Variants in ZNF345 observed in about 807,000 individuals in gnomAD.
The protein encoded by ZNF345 is zinc finger protein 345, also known as zinc finger protein HZF10.
For missense variants in ZNF345, 527 were observed against 589.9 expected (o/e 0.89, Z 1.10); for synonymous variants, 166 against 187.9 (o/e 0.88, Z 0.95).
At chr19:36,856,898 G>C (rs556036689) in intron 2 of ZNF345, among the ~76,000 whole-genome samples, 2 of 148,668 alleles carry the variant, frequency 1.3e-5, no homozygotes, top group East Asian at 2.0e-4. Flanking sequence ...ATTACAAAAA[G>C]AATTCCTTAT....
intron 2 of ZNF345, among the ~76,000 whole-genome samples, chr19:36,856,935 T>G (rs184793761): frequency 2.0e-5 from 3 of 152,044 alleles, no homozygotes; most frequent in African/African-American, 7.2e-5. Context: ...AATAGAAGGA[T>G]AAAGAAAAAA....
chr19:36,876,773 A>G lies in ZNF345; in HGVS notation c.-46-12A>G. 1 of 1,495,904 alleles carries G rather than the reference A, an allele frequency of 6.7e-7. No individual in the cohort carries two copies. The highest frequency in any genetic ancestry group is 1.4e-5 in the South Asian group (1 of 73,360). The allele number at this position is 1,495,904 out of a possible 1,614,324, so 92.7% of individuals were successfully genotyped here. A position where few individuals can be genotyped will look rare whatever the true frequency, so the allele number is the denominator to read the frequency against. ...CAAAAAAGTGAATGTTTGCTTTTAT[A>G]TTTTCTTTCAGACTATGAATCAAAG... On this transcript the variant is annotated splice_polypyrimidine_tract_variant and intron_variant, in intron 2 of 2. Transcript: ENST00000420450.
chr19:36,884,913 G>T (rs1401827841), intron 3 of ZNF345, among the ~76,000 whole-genome samples: 1 of 152,068 alleles, frequency 6.6e-6, no homozygotes, highest in Non-Finnish European at 1.5e-5. Flanking sequence ...TCGTTGATGG[G>T]TATCTGTATT....
intron 3 of ZNF345, among the ~76,000 whole-genome samples, chr19:36,887,606 C>T (rs1018584208): frequency 6.6e-6 from 1 of 152,146 alleles, no homozygotes; most frequent in African/African-American, 2.4e-5. Flanking sequence ...CCGGATTTAT[C>T]ATGATTTGAG....
At chr19:36,863,466 G>C (rs762014374) in intron 2 of ZNF345, among the ~76,000 whole-genome samples, 2 of 152,214 alleles carry the variant, frequency 1.3e-5, no homozygotes, top group Non-Finnish European at 2.9e-5. Flanking sequence ...TGATTTAGGA[G>C]TTCAAGATTG....
chr19:36,881,308 A>C (rs1422208486), downstream of ZNF345, among the ~76,000 whole-genome samples: 1 of 152,162 alleles, frequency 6.6e-6, no homozygotes, highest in Non-Finnish European at 1.5e-5. Context: ...AATCCAAAAC[A>C]CTTCTGGTCC....
chr19:36,870,842 A>C (rs959486218), intron 2 of ZNF345, among the ~76,000 whole-genome samples: 2 of 152,168 alleles, frequency 1.3e-5, no homozygotes, highest in Non-Finnish European at 2.9e-5. Flanking sequence ...AAGTGGACCC[A>C]TTAAATATGG....
Position 36,878,915 on chromosome 19 carries a change from G to A in ZNF345, c.*618G>A. Reference sequence around the variant, plus strand: ...TGCAGTGGTGCAATCTCGGTTCACTGCAACCTCCACCTCCCGAGTTCAAGT... The same window carrying A: ...TGCAGTGGTGCAATCTCGGTTCACTACAACCTCCACCTCCCGAGTTCAAGT... On this transcript the variant is annotated 3_prime_UTR_variant, in exon 3 of 3. Transcript: ENST00000420450. The A allele has an allele frequency of 6.1e-6, 1 of 165,084 alleles. No individual in the cohort carries two copies. Among genetic ancestry groups the A allele is most frequent in the Non-Finnish European group, 1.5e-5 (1 of 68,156 alleles). 10.2% of individuals were successfully genotyped at this position (165,084 alleles called of 1,614,324 possible). A position where few individuals can be genotyped will look rare whatever the true frequency, so the allele number is the denominator to read the frequency against.
chr19:36,877,715 T>C lies in ZNF345; in HGVS notation c.885T>C (p.Phe295=). 6.2e-7 allele frequency: 1 copy of C among 1,614,132 alleles called. No homozygotes were observed. Among genetic ancestry groups the C allele is most frequent in the Non-Finnish European group, 8.5e-7 (1 of 1,180,006 alleles). Residue 295 remains phenylalanine, a synonymous_variant, in exon 3 of 3, where the codon TTT becomes TTC. Transcript: ENST00000420450. ...TATGTAAGGAATGTGGGAAGGCTTT[T>C]AATAGTGGCTCAGATCTCACTCAGC... ...PYVCKECGKA[F]NSGSDLTQHQ... is the part of the protein sequence containing the mutation.
chr19:36,866,018 AT>A (rs2072651929), intron 2 of ZNF345, among the ~76,000 whole-genome samples: 1 of 152,146 alleles, frequency 6.6e-6, no homozygotes, highest in Non-Finnish European at 1.5e-5. Context: ...AAATCAACTT[AT>A]TCATAAAGTT....
intron 2 of ZNF345, among the ~76,000 whole-genome samples, chr19:36,861,896 C>T (rs938443000): frequency 2.8e-5 from 4 of 144,430 alleles, no homozygotes; most frequent in Non-Finnish European, 6.0e-5. Context: ...GTGTCTTGCC[C>T]TGTCACCCAG....
chr19:36,882,146 C>A (rs551942968), downstream of ZNF345, among the ~76,000 whole-genome samples: 3 of 151,022 alleles, frequency 2.0e-5, no homozygotes, highest in African/African-American at 4.9e-5. Flanking sequence ...TCACTATTTT[C>A]TTTTTATTTG....
At chr19:36,860,940 G>GT (rs1043991818) in intron 2 of ZNF345, among the ~76,000 whole-genome samples, 126 of 147,206 alleles carry the variant, frequency 8.6e-4, no homozygotes, top group East Asian at 1.8e-3. Context: ...TAATGGGAGG[G>GT]TTTTTTTTTT....
chr19:36,852,930 TG>T (rs2072317504), intron 2 of ZNF345, among the ~76,000 whole-genome samples: 1 of 151,454 alleles, frequency 6.6e-6, no homozygotes, highest in Non-Finnish European at 1.5e-5. Context: ...TGCAGTTGAA[TG>T]TCCCCTTTTA....
At chr19:36,887,516 C>T (rs9304877) in intron 3 of ZNF345, among the ~76,000 whole-genome samples, 10,501 of 152,084 alleles carry the variant, frequency 0.069, 908 homozygotes, top group African/African-American at 0.2. Context: ...TGTTCTAAAA[C>T]AAATTATATA....
intron 2 of ZNF345, 33 bp from the exon 3 acceptor site, chr19:36,876,752 A>C: frequency 7.1e-7 from 1 of 1,416,068 alleles, no homozygotes; most frequent in Non-Finnish European, 9.6e-7. Context: ...AGAACACAAA[A>C]AAGTGAATGT....
intron 2 of ZNF345, among the ~76,000 whole-genome samples, chr19:36,859,663 T>C (rs1392341869): frequency 6.6e-6 from 1 of 152,186 alleles, no homozygotes; most frequent in African/African-American, 2.4e-5. Flanking sequence ...AGGCTGTTTG[T>C]ATTTCCATTT....
At chr19:36,883,413 C>G (rs1182693858), downstream of ZNF345, among the ~76,000 whole-genome samples, 1 of 152,156 alleles carries the variant, frequency 6.6e-6, no homozygotes, top group East Asian at 1.9e-4. Context: ...CTTAATTGTT[C>G]CTTGGTGATT....
At chr19:36,884,475 A>G (rs2072985731), downstream of ZNF345, among the ~76,000 whole-genome samples, 1 of 152,118 alleles carries the variant, frequency 6.6e-6, no homozygotes, top group Non-Finnish European at 1.5e-5. Context: ...TCCTATCCCT[A>G]TGGAGTCCTG....
Sources: gnomAD v4.1 joint callset for allele counts (sites outside exome capture counted in the v4.1 genomes callset) on GRCh38, gnomAD v4.1.1 for gene constraint, MANE v1.5 for transcripts, NCBI Gene and HGNC (gene_info 2026-07-23, HGNC 2026-07-21) for gene names.